Variants in ARL15 observed in about 807,000 individuals in gnomAD.
ARL15 encodes the protein ARF like GTPase 15.
Under a neutral mutation model 25.2 loss-of-function variants are expected in ARL15, and 19 were observed. The observed-to-expected ratio is 0.75, with a 90% CI of 0.53 to 1.10. ARL15 has a LOEUF of 1.10. Among genes scored for constraint, ARL15 ranks in the 50% least tolerant of loss-of-function variants. The probability of loss-of-function intolerance (pLI) is 0.00; values close to 1 mark genes in which losing one functional copy is unlikely to be tolerated. For missense variants in ARL15, 220 were observed against 246.0 expected, an observed-to-expected ratio of 0.89 and a Z score of 0.71; for synonymous variants, 94 against 86.8, an observed-to-expected ratio of 1.08 and a Z score of -0.46.
intron 4 of ARL15, among the ~76,000 whole-genome samples, chr5:54,055,336 A>C (rs1750833422): frequency 7.6e-6 from 1 of 131,146 alleles, no homozygotes; most frequent in African/African-American, 2.8e-5. Context: ...AACATGTATT[A>C]GTTGCATCAT....
At chr5:54,088,379 C>A (rs1253338266) in intron 4 of ARL15, among the ~76,000 whole-genome samples, 1 of 152,016 alleles carries the variant, frequency 6.6e-6, no homozygotes, top group Non-Finnish European at 1.5e-5. Flanking sequence ...AGAAAACCTG[C>A]AAGACTAAAT....
intron 4 of ARL15, among the ~76,000 whole-genome samples, chr5:54,017,646 C>T (rs1030469293): frequency 2.0e-5 from 3 of 150,100 alleles, no homozygotes; most frequent in South Asian, 4.2e-4. Context: ...ACAACAAAAA[C>T]CCACAACAAA....
At chr5:53,906,771 T>C (rs891964951) in intron 4 of ARL15, among the ~76,000 whole-genome samples, 13 of 152,170 alleles carry the variant, frequency 8.5e-5, no homozygotes, top group African/African-American at 2.9e-4. Flanking sequence ...ATTTAAGAAA[T>C]TCATTTGTGC....
intron 4 of ARL15, among the ~76,000 whole-genome samples, chr5:54,094,210 G>C (rs42872): frequency 0.24 from 36,689 of 152,000 alleles, 5,087 homozygotes; most frequent in East Asian, 0.32. Context: ...ACCACGTAGA[G>C]TCTCATATGG....
At chr5:54,278,276 C>T (rs1480905030) in intron 1 of ARL15, among the ~76,000 whole-genome samples, 1 of 152,200 alleles carries the variant, frequency 6.6e-6, no homozygotes, top group Admixed American at 6.5e-5. Flanking sequence ...GGAGCTCAAC[C>T]ATGCCTGATG....
intron 4 of ARL15, among the ~76,000 whole-genome samples, chr5:54,078,906 C>G (rs539405861): frequency 6.6e-6 from 1 of 151,882 alleles, no homozygotes; most frequent in Non-Finnish European, 1.5e-5. Context: ...AGTAAAGTAT[C>G]GCTTAACTAA....
At position 53,980,901 on chromosome 5, in the gene ARL15, A is replaced by G. The variant is rs116004533; in HGVS notation, c.463-94188T>C. 6.7e-4 allele frequency among the ~76,000 whole-genome samples: 102 copies of G among 152,204 alleles called. 2 individuals carry two copies. In the South Asian group the frequency reaches 0.02, roughly 30 times the overall value. On this transcript the variant is annotated intron_variant, in intron 4 of 4. Transcript: ENST00000504924. ...GAGGCTGAGGCCGTAGGGTCACCTGAGCCCAGGAGTTCAAGGCTGCAGTGA... is the reference window on the plus strand; with the variant it reads ...GAGGCTGAGGCCGTAGGGTCACCTGGGCCCAGGAGTTCAAGGCTGCAGTGA...
chr5:54,131,973 G>A (rs1003472271), intron 3 of ARL15, among the ~76,000 whole-genome samples: 10 of 151,578 alleles, frequency 6.6e-5, no homozygotes, highest in Admixed American at 3.3e-4. Context: ...CTGGCAGGGG[G>A]AAAAAGTATG....
chr5:54,246,799 C>CACATGCAT (rs1561281906), intron 1 of ARL15, among the ~76,000 whole-genome samples: 1 of 4,306 alleles, frequency 2.3e-4, no homozygotes, highest in African/African-American at 6.0e-4. Context: ...AGCATGCATA[C>CACATGCAT]ACACACACAC....
chr5:53,915,042 C>T (rs1395035438), intron 4 of ARL15, among the ~76,000 whole-genome samples: 1 of 152,184 alleles, frequency 6.6e-6, no homozygotes, highest in African/African-American at 2.4e-5. Context: ...AACTCCTGAC[C>T]TCAAGTGATC....
Position 54,255,663 on chromosome 5 carries a change from A to T in ARL15, c.48+54769T>A, listed in dbSNP as rs76137930. Among the ~76,000 whole-genome samples the T allele has an allele frequency of 7.7e-3, 1,169 of 152,296 alleles. 11 individuals are homozygous for T. Among genetic ancestry groups the T allele is most frequent in the African/African-American group, 0.027 (1,105 of 41,530 alleles). ...AGCGCTAACATGATACCACATATGG[A>T]GAATTCCAAAGTTGAACTCATGTGA... On this transcript the variant is annotated intron_variant, in intron 1 of 4. Coordinates refer to ENST00000504924, the MANE Select transcript of ARL15 (RefSeq NM_019087.3).
intron 4 of ARL15, among the ~76,000 whole-genome samples, chr5:53,906,805 T>C (rs1745262814): frequency 6.6e-6 from 1 of 152,200 alleles, no homozygotes; most frequent in Non-Finnish European, 1.5e-5. Flanking sequence ...TTTAAAAATA[T>C]TCCTATATCT....
chr5:54,178,064 T>A (rs1754937088), intron 1 of ARL15, among the ~76,000 whole-genome samples: 1 of 152,170 alleles, frequency 6.6e-6, no homozygotes. Context: ...AAAAGCTTAA[T>A]CTTACAGCTA....
intron 4 of ARL15, among the ~76,000 whole-genome samples, chr5:53,949,657 C>A (rs1727306855): frequency 2.0e-5 from 3 of 152,086 alleles, no homozygotes. Context: ...TTTGGAGGGC[C>A]TGACTTAATC....
intron 4 of ARL15, among the ~76,000 whole-genome samples, chr5:54,011,663 T>C (rs553557572): frequency 2.0e-5 from 3 of 152,234 alleles, no homozygotes; most frequent in Non-Finnish European, 4.4e-5. Context: ...GAAGCTTGAA[T>C]GCAGGCAGTC....
At chr5:53,893,548 C>T (rs1744785982) in intron 4 of ARL15, among the ~76,000 whole-genome samples, 2 of 152,150 alleles carry the variant, frequency 1.3e-5, no homozygotes, top group African/African-American at 4.8e-5. Context: ...GCGGAGCTTG[C>T]AGTGAGCCGA....
intron 4 of ARL15, among the ~76,000 whole-genome samples, chr5:53,945,721 T>A (rs1746703665): frequency 6.6e-6 from 1 of 152,346 alleles, no homozygotes; most frequent in South Asian, 2.1e-4. Context: ...TATGTAAATA[T>A]ATATTTAAAC....
chr5:54,274,712 C>A (rs998883168), intron 1 of ARL15, among the ~76,000 whole-genome samples: 1 of 152,250 alleles, frequency 6.6e-6, no homozygotes, highest in East Asian at 1.9e-4. Flanking sequence ...GCCTGACCAA[C>A]ATGGTGAAAC....
At chr5:54,180,963 A>G (rs1046064144) in intron 1 of ARL15, among the ~76,000 whole-genome samples, 1 of 152,142 alleles carries the variant, frequency 6.6e-6, no homozygotes, top group South Asian at 2.1e-4. Context: ...CCCGGGGCCC[A>G]CGTGGCTCCC....
Sources: allele counts gnomAD v4.1 joint callset (sites outside exome capture counted in the v4.1 genomes callset), GRCh38; gene constraint gnomAD v4.1.1; transcripts MANE v1.5; gene names NCBI Gene and HGNC (gene_info 2026-07-23, HGNC 2026-07-21).